The following CEP112 variants were observed in gnomAD, a reference collection of about 807,000 sequenced individuals.
CEP112 encodes centrosomal protein 112.
CEP112 carries 127 observed loss-of-function variants against 153.0 expected under a neutral mutation model. That is an observed-to-expected ratio of 0.83 (90% CI 0.72 to 0.96). CEP112 has a LOEUF of 0.96. Ranked by LOEUF, CEP112 falls within the 40% of genes least tolerant of loss-of-function variation. CEP112 has a pLI of 0.00. For missense variants in CEP112, 1,089 were observed against 1,101.2 expected, an observed-to-expected ratio of 0.99 and a Z score of 0.16; for synonymous variants, 358 against 374.4, an observed-to-expected ratio of 0.96 and a Z score of 0.51.
At chr17:65,878,312 A>G (rs1461320549) in intron 20 of CEP112, among the ~76,000 whole-genome samples, 4 of 152,208 alleles carry the variant, frequency 2.6e-5, no homozygotes, top group African/African-American at 9.6e-5. Flanking sequence ...AAAACATCAA[A>G]TTATGCATCT....
intron 18 of CEP112, among the ~76,000 whole-genome samples, chr17:65,954,248 C>A (rs892644735): frequency 4.6e-5 from 7 of 152,126 alleles, no homozygotes; most frequent in African/African-American, 1.7e-4. Flanking sequence ...CCCAGAAAAA[C>A]AAGAACAATC....
intron 16 of CEP112, among the ~76,000 whole-genome samples, chr17:66,011,741 T>C (rs79803091): frequency 9.5e-4 from 145 of 152,244 alleles, no homozygotes; most frequent in African/African-American, 3.4e-3. Context: ...TTTGGTCAAG[T>C]GTCAAATTTG....
At position 66,028,336 on chromosome 17, in the gene CEP112, GTTCTGA is replaced by G; in HGVS notation, c.1567_1572del (p.Ser523_Glu524del). 1 of 1,597,160 alleles carries G rather than the reference GTTCTGA, an allele frequency of 6.3e-7. No individual in the cohort carries two copies. The highest frequency in any genetic ancestry group is 8.5e-7 in the Non-Finnish European group (1 of 1,169,874). Reference sequence around the variant, plus strand: ...ACCCTTAGTTGTTGCTTTCTTTGAAGTTCTGATTCCTGTAACTGCTGTTTTAATTGA... The same window carrying G: ...ACCCTTAGTTGTTGCTTTCTTTGAAGTTCCTGTAACTGCTGTTTTAATTGA... On this transcript the variant is annotated inframe_deletion, in exon 15 of 27. Transcript: ENST00000535342.
chr17:66,073,274 A>G (rs2067366404), intron 8 of CEP112, among the ~76,000 whole-genome samples: 1 of 152,200 alleles, frequency 6.6e-6, no homozygotes, highest in Admixed American at 6.5e-5. Flanking sequence ...AGAATTGAAG[A>G]CCACGATAGT....
rs367800680 is a variant in CEP112, at chr17:66,173,261, G to C, written c.470+1783C>G. Among the ~76,000 whole-genome samples, 49 of 152,270 alleles carry C rather than the reference G, an allele frequency of 3.2e-4. No individual in the cohort carries two copies. In the East Asian group the frequency reaches 6.2e-3, roughly 19 times the overall value. ...GGAAATCATGAAGGCATATGCTAAG[G>C]GGGGTAACCAAGCACTACTTAGCTC... On this transcript the variant is annotated intron_variant, in intron 4 of 26. Coordinates refer to ENST00000535342, the MANE Select transcript of CEP112 (RefSeq NM_001199165.4).
At chr17:65,935,349 CA>C (rs2061269541) in intron 18 of CEP112, among the ~76,000 whole-genome samples, 1 of 152,194 alleles carries the variant, frequency 6.6e-6, no homozygotes, top group Non-Finnish European at 1.5e-5. Flanking sequence ...ACACTCTCAA[CA>C]GTAGACAGAT....
rs576553920 is a variant in CEP112, at chr17:65,794,533, A to C, written c.2395-43809T>G. Among the ~76,000 whole-genome samples, 2 of 152,142 alleles carry C rather than the reference A, an allele frequency of 1.3e-5. 1 individual carries two copies. Among genetic ancestry groups the C allele is most frequent in the South Asian group, 4.1e-4 (2 of 4,826 alleles). ...GTTTACTGAGGGTCACCAATTACCT[A>C]CAGGAAACTCCCCCTGGCGAAACTC... On this transcript the variant is annotated intron_variant, in intron 21 of 26. Transcript: ENST00000535342.
At chr17:66,078,649 T>G (rs898097258) in intron 8 of CEP112, among the ~76,000 whole-genome samples, 1 of 152,210 alleles carries the variant, frequency 6.6e-6, no homozygotes, top group East Asian at 1.9e-4. Flanking sequence ...TGCTCTTTGT[T>G]GCCTGCATAC....
At chr17:65,748,104 T>C (rs1319981156) in intron 22 of CEP112, among the ~76,000 whole-genome samples, 1 of 152,232 alleles carries the variant, frequency 6.6e-6, no homozygotes, top group East Asian at 1.9e-4. Context: ...CATTTTTAAA[T>C]AATCTGACAT....
chr17:65,996,988 T>G (rs1465224763), intron 17 of CEP112, among the ~76,000 whole-genome samples: 1 of 152,078 alleles, frequency 6.6e-6, no homozygotes, highest in Non-Finnish European at 1.5e-5. Flanking sequence ...ATGGGTGGCT[T>G]GCCTGAGCTC....
chr17:65,687,296 A>G (rs1398804576), intron 24 of CEP112, among the ~76,000 whole-genome samples: 1 of 149,050 alleles, frequency 6.7e-6, no homozygotes, highest in Non-Finnish European at 1.5e-5. Context: ...CCTCCTGAGT[A>G]GCTAGGACTA....
intron 12 of CEP112, among the ~76,000 whole-genome samples, chr17:66,032,503 G>A (rs2065532003): frequency 6.6e-6 from 1 of 152,132 alleles, no homozygotes; most frequent in African/African-American, 2.4e-5. Context: ...ACTACCACTA[G>A]GAGCGAAAGT....
chr17:65,650,216 G>C (rs1333717732), intron 24 of CEP112, among the ~76,000 whole-genome samples: 1 of 152,162 alleles, frequency 6.6e-6, no homozygotes. Flanking sequence ...TCTGGATGTT[G>C]GGGGCCCCTG....
At chr17:65,911,981 C>T (rs1270898121) in intron 19 of CEP112, among the ~76,000 whole-genome samples, 2 of 152,124 alleles carry the variant, frequency 1.3e-5, no homozygotes, top group East Asian at 3.9e-4. Flanking sequence ...GGAATATTTA[C>T]TTCTGGTGGC....
chr17:65,870,933 T>C (rs947499381), intron 20 of CEP112, among the ~76,000 whole-genome samples: 2 of 152,244 alleles, frequency 1.3e-5, no homozygotes, highest in Non-Finnish European at 2.9e-5. Flanking sequence ...CTTACTGTAC[T>C]TCCCCTTTCC....
At chr17:66,037,263 T>C (rs1323125757) in intron 12 of CEP112, among the ~76,000 whole-genome samples, 2 of 152,198 alleles carry the variant, frequency 1.3e-5, no homozygotes, top group Admixed American at 1.3e-4. Flanking sequence ...TAAAATATAA[T>C]AATTTTTAAG....
intron 21 of CEP112, among the ~76,000 whole-genome samples, chr17:65,784,762 G>T (rs1263971446): frequency 6.6e-6 from 1 of 152,136 alleles, no homozygotes; most frequent in Non-Finnish European, 1.5e-5. Context: ...TGCAGAGTGA[G>T]CCACCATACC....
intron 17 of CEP112, among the ~76,000 whole-genome samples, chr17:66,004,352 G>A (rs949266296): frequency 4.6e-5 from 7 of 152,112 alleles, no homozygotes; most frequent in South Asian, 2.1e-4. Context: ...TTAGCTGGGC[G>A]TGGTGGCGTG....
chr17:65,889,203 C>G (rs915472606), intron 20 of CEP112, among the ~76,000 whole-genome samples: 2 of 152,074 alleles, frequency 1.3e-5, no homozygotes, highest in African/African-American at 4.8e-5. Flanking sequence ...TCAGTAATGG[C>G]CCGAGTTGCT....
Sources: allele counts gnomAD v4.1 joint callset (sites outside exome capture counted in the v4.1 genomes callset), GRCh38; gene constraint gnomAD v4.1.1; transcripts MANE v1.5; gene names NCBI Gene and HGNC (gene_info 2026-07-23, HGNC 2026-07-21).